Variants in OCA2 observed in about 807,000 individuals in gnomAD.
The protein encoded by OCA2 is P protein.
OCA2 carries 77 observed loss-of-function variants against 100.2 expected under a neutral mutation model. The ratio of observed to expected loss-of-function variants is 0.77; its 90% CI spans 0.64 to 0.93. OCA2 has a LOEUF of 0.93. Among genes scored for constraint, OCA2 ranks in the 40% least tolerant of loss-of-function variants. The pLI, the probability that OCA2 is intolerant of heterozygous loss-of-function variation, is 0.00. For synonymous variants in OCA2, 432 were observed against 439.2 expected, an observed-to-expected ratio of 0.98 and a Z score of 0.21; for missense variants, 1,062 against 1,089.1, an observed-to-expected ratio of 0.98 and a Z score of 0.35.
chr15:28,052,887 G>A (rs895828), intron 2 of OCA2, among the ~76,000 whole-genome samples: 4 of 152,038 alleles, frequency 2.6e-5, no homozygotes, highest in African/African-American at 9.7e-5. Flanking sequence ...CTGGCCTATC[G>A]CCTTACTCAG....
chr15:28,004,007 A>G (rs2042012614), intron 9 of OCA2, among the ~76,000 whole-genome samples: 1 of 152,214 alleles, frequency 6.6e-6, no homozygotes, highest in Admixed American at 6.5e-5. Flanking sequence ...CCGCGCGGAA[A>G]CACCGTCCAG....
the OCA2 span, among the ~76,000 whole-genome samples, chr15:27,721,837 G>A: frequency 6.6e-6 from 1 of 152,168 alleles, no homozygotes; most frequent in African/African-American, 2.4e-5. Context: ...TCATCAAAAA[G>A]GTAATGTGTT....
At chr15:27,931,527 G>A (rs1410585759) in intron 18 of OCA2, among the ~76,000 whole-genome samples, 2 of 151,872 alleles carry the variant, frequency 1.3e-5, no homozygotes, top group Non-Finnish European at 2.9e-5. Context: ...GCAGAGACGG[G>A]GTTTCACCAT....
intron 19 of OCA2, among the ~76,000 whole-genome samples, chr15:27,893,588 G>A (rs1270181661): frequency 6.6e-6 from 1 of 152,078 alleles, no homozygotes; most frequent in Non-Finnish European, 1.5e-5. Flanking sequence ...ATTCCTGGGG[G>A]GAGGTCTATA....
the OCA2 span, among the ~76,000 whole-genome samples, chr15:27,744,636 T>G: frequency 6.6e-6 from 1 of 152,208 alleles, no homozygotes; most frequent in African/African-American, 2.4e-5. Flanking sequence ...CCGGGCCCCA[T>G]GTATATGCAG....
chr15:27,795,112 C>G (rs1054564406), intron 23 of OCA2, among the ~76,000 whole-genome samples: 1 of 152,156 alleles, frequency 6.6e-6, no homozygotes, highest in Admixed American at 6.5e-5. Flanking sequence ...AACCTTGCTA[C>G]AAGACTCTGT....
chr15:27,747,659 G>C, the OCA2 span, among the ~76,000 whole-genome samples: 1 of 152,136 alleles, frequency 6.6e-6, no homozygotes, highest in Admixed American at 6.5e-5. Flanking sequence ...CTGTTTTTAA[G>C]TTGTACCTGT....
chr15:27,733,916 C>T, the OCA2 span, among the ~76,000 whole-genome samples: 1,284 of 151,912 alleles, frequency 8.5e-3, 21 homozygotes, highest in African/African-American at 0.027. Context: ...AATCCCAGCA[C>T]TTTGAGAGGC....
At chr15:27,761,279 T>G (rs2150991567) in intron 23 of OCA2, among the ~76,000 whole-genome samples, 1 of 152,216 alleles carries the variant, frequency 6.6e-6, no homozygotes, top group African/African-American at 2.4e-5. Flanking sequence ...CAAACCTTAT[T>G]TTTTCCTATA....
At chr15:28,010,599 C>A (rs1283030841) in intron 9 of OCA2, among the ~76,000 whole-genome samples, 1 of 151,992 alleles carries the variant, frequency 6.6e-6, no homozygotes, top group Non-Finnish European at 1.5e-5. Flanking sequence ...AAACTCAGTA[C>A]CATTTACAAT....
At chr15:28,021,738 G>C (rs2141290159) in intron 6 of OCA2, among the ~76,000 whole-genome samples, 1 of 152,282 alleles carries the variant, frequency 6.6e-6, no homozygotes, top group East Asian at 1.9e-4. Context: ...GCCTTCATTT[G>C]CTTGGGAAGC....
At chr15:28,031,652 G>T (rs1194011061) in intron 3 of OCA2, among the ~76,000 whole-genome samples, 2 of 152,190 alleles carry the variant, frequency 1.3e-5, no homozygotes, top group Non-Finnish European at 2.9e-5. Flanking sequence ...ATTCTTTGTG[G>T]TGGGGGCTGT....
At chr15:27,981,512 C>G (rs962842238) in intron 14 of OCA2, among the ~76,000 whole-genome samples, 5 of 152,120 alleles carry the variant, frequency 3.3e-5, no homozygotes, top group Admixed American at 2.0e-4. Flanking sequence ...GTCTTAGTTT[C>G]AAGATTTCTT....
intron 21 of OCA2, among the ~76,000 whole-genome samples, chr15:27,861,885 T>A (rs2036145254): frequency 6.6e-6 from 1 of 152,002 alleles, no homozygotes. Flanking sequence ...GAATAAATGA[T>A]GCAGGGAGGA....
At chr15:27,783,730 A>G (rs1413323424) in intron 23 of OCA2, among the ~76,000 whole-genome samples, 1 of 152,250 alleles carries the variant, frequency 6.6e-6, no homozygotes, top group Admixed American at 6.5e-5. Flanking sequence ...GTACCCTCTC[A>G]GCATGAACCT....
At chr15:27,777,059 C>G (rs2032277677) in intron 23 of OCA2, among the ~76,000 whole-genome samples, 1 of 151,972 alleles carries the variant, frequency 6.6e-6, no homozygotes, top group Non-Finnish European at 1.5e-5. Flanking sequence ...GTCCACACAT[C>G]CCCATCGGCG....
chr15:28,090,793 G>T (rs1022735444), intron 1 of OCA2, among the ~76,000 whole-genome samples: 6 of 151,696 alleles, frequency 4.0e-5, no homozygotes, highest in African/African-American at 1.5e-4. Flanking sequence ...AAAAGAAGAG[G>T]AAAATAAACC....
chr15:28,031,107 A>C (rs1263568780), intron 3 of OCA2, among the ~76,000 whole-genome samples: 1 of 152,202 alleles, frequency 6.6e-6, no homozygotes, highest in Non-Finnish European at 1.5e-5. Context: ...GGAAGCTGTA[A>C]CTAATCAAAT....
chr15:27,965,615 A>G (rs933070399), intron 15 of OCA2, among the ~76,000 whole-genome samples: 2 of 152,186 alleles, frequency 1.3e-5, no homozygotes, highest in African/African-American at 4.8e-5. Context: ...CAGAACAAAG[A>G]CAAACTGAGA....
Sources: allele counts gnomAD v4.1 joint callset (sites outside exome capture counted in the v4.1 genomes callset), GRCh38; gene constraint gnomAD v4.1.1; transcripts MANE v1.5; gene names NCBI Gene and HGNC (gene_info 2026-07-23, HGNC 2026-07-21).